The following NIBAN1 variants were observed in gnomAD, a reference collection of about 807,000 sequenced individuals.
NIBAN1 encodes the protein protein Niban 1.
In NIBAN1, 81 loss-of-function variants were observed where a neutral mutation model predicts 75.1. The ratio of observed to expected loss-of-function variants is 1.08; its 90% confidence interval spans 0.90 to 1.30. The LOEUF (loss-of-function observed/expected upper bound fraction) is 1.30, where lower values mean the gene tolerates loss of function less well. NIBAN1 is among the 50% of genes most tolerant of loss of function. NIBAN1 has a pLI of 0.00. For synonymous variants in NIBAN1, 436 were observed against 424.8 expected, an observed-to-expected ratio of 1.03 and a Z score of -0.32; for missense variants, 1,133 against 1,128.1, an observed-to-expected ratio of 1.00 and a Z score of -0.06.
chr1:184,868,174 T>A, intron 5 of NIBAN1: 2 of 441,570 alleles, frequency 4.5e-6, no homozygotes, highest in Non-Finnish European at 6.0e-6. Context: ...CTAAGCCTCT[T>A]AAAATAGAAA....
intron 1 of NIBAN1, among the ~76,000 whole-genome samples, chr1:184,926,546 A>G (rs1391696304): frequency 6.6e-6 from 1 of 152,024 alleles, no homozygotes; most frequent in Non-Finnish European, 1.5e-5. Context: ...CCTCTGTTGT[A>G]TGTTATTTGT....
chr1:184,897,279 TG>T (rs1656825191), intron 2 of NIBAN1, among the ~76,000 whole-genome samples: 1 of 47,328 alleles, frequency 2.1e-5, no homozygotes, highest in South Asian at 7.4e-4. Context: ...TACTCCTAAG[TG>T]TGTGTGTGTG....
rs1437662928 is a variant in NIBAN1 at position 184,794,841 on chromosome 1, C to T, written c.*136G>A. ...GCCTCAGTTGCTCATGCCCTGTATG[C>T]ATTTCCTCTGGTTTTATTATTCAAA... On this transcript the variant is annotated 3_prime_UTR_variant, in exon 14 of 14. Transcript: ENST00000367511. The T allele has an allele frequency of 8.9e-7, 1 of 1,129,562 alleles. No homozygotes were observed. The highest frequency in any genetic ancestry group is 1.3e-6 in the Non-Finnish European group (1 of 771,230). 70.0% of individuals were successfully genotyped at this position (1,129,562 alleles called of 1,614,324 possible).
intron 5 of NIBAN1, among the ~76,000 whole-genome samples, chr1:184,864,200 C>A (rs988501497): frequency 1.3e-5 from 2 of 152,158 alleles, no homozygotes; most frequent in African/African-American, 4.8e-5. Context: ...TTCCTACGGA[C>A]AATAATGCTG....
chr1:184,845,771 C>T lies in NIBAN1; in HGVS notation c.602-13809G>A, dbSNP rs576478529. Among the ~76,000 whole-genome samples the T allele has an allele frequency of 9.6e-3, 814 of 84,800 alleles. 217 individuals carry two copies. In the East Asian group the frequency reaches 0.099, roughly 10 times the overall value. The allele number at this position is 84,800 out of a possible 152,430, so 55.6% of individuals were successfully genotyped here. A position where few individuals can be genotyped will look rare whatever the true frequency, so the allele number is the denominator to read the frequency against. On this transcript the variant is annotated intron_variant, in intron 5 of 13. Coordinates refer to ENST00000367511, the MANE Select transcript of NIBAN1 (RefSeq NM_052966.4). Reference sequence around the variant, plus strand: ...GGCGCAGGCCAGTGTGTGTGCGCACCGTGCGCGAGCCGAAGCAGGGCGAGG... The same window carrying T: ...GGCGCAGGCCAGTGTGTGTGCGCACTGTGCGCGAGCCGAAGCAGGGCGAGG...
At position 184,952,821 on chromosome 1, in the gene NIBAN1, A is replaced by G. The variant is rs550957808; in HGVS notation, c.55+21481T>C. ...AAACCGAGGCCTAAAGACAAGCCCA[A>G]AGTCACATGGTATGTGCCAGAACCA... On this transcript the variant is annotated intron_variant, in intron 1 of 13. Transcript: ENST00000367511. Among the ~76,000 whole-genome samples, 7 of 152,332 alleles carry G rather than the reference A, an allele frequency of 4.6e-5. No homozygotes were observed. The South Asian group carries it at 1.4e-3, about 32-fold the overall frequency.
intron 6 of NIBAN1, 23 bp from the exon 7 acceptor site, chr1:184,823,765 GAGTCGGTC>G: frequency 6.2e-7 from 1 of 1,607,844 alleles, no homozygotes; most frequent in Non-Finnish European, 8.5e-7. Flanking sequence ...AGACAGCCCA[GAGTCGGTC>G]AGTCGGTGAT....
At chr1:184,811,566 C>T (rs1284095514) in intron 9 of NIBAN1, among the ~76,000 whole-genome samples, 6 of 136,674 alleles carry the variant, frequency 4.4e-5, no homozygotes, top group African/African-American at 1.1e-4. Flanking sequence ...AGTGCAGGCG[C>T]GATCTTGGCT....
intron 1 of NIBAN1, among the ~76,000 whole-genome samples, chr1:184,971,301 A>C (rs1460339965): frequency 6.6e-6 from 1 of 152,090 alleles, no homozygotes; most frequent in East Asian, 1.9e-4. Flanking sequence ...AGAAAAGAAA[A>C]GAAAACATGG....
At chr1:184,904,331 A>T (rs537422952) in intron 1 of NIBAN1, among the ~76,000 whole-genome samples, 114 of 152,036 alleles carry the variant, frequency 7.5e-4, no homozygotes, top group Admixed American at 3.3e-3. Flanking sequence ...CCCACCCTAA[A>T]TTTTTTTTCT....
In NIBAN1 at chr1:184,806,072, G is replaced by C; in HGVS notation, c.1336-16C>G. The stretch of plus-strand genomic sequence containing the variant: ...TCTCCATTAGCTAGAAACCAGAAGC[G>C]ACACAGAAACAGACAACAGTCAGGG... On this transcript the variant is annotated splice_polypyrimidine_tract_variant and intron_variant, in intron 10 of 13. Coordinates refer to ENST00000367511, the MANE Select transcript of NIBAN1 (RefSeq NM_052966.4). 1 of 1,605,054 alleles carries C rather than the reference G, an allele frequency of 6.2e-7. No homozygotes were observed. Among genetic ancestry groups the C allele is most frequent in the Non-Finnish European group, 8.5e-7 (1 of 1,172,392 alleles).
chr1:184,909,138 T>A (rs1455819125), intron 1 of NIBAN1, among the ~76,000 whole-genome samples: 1 of 152,164 alleles, frequency 6.6e-6, no homozygotes, highest in Non-Finnish European at 1.5e-5. Flanking sequence ...AAAATATTCT[T>A]TGCTTAAAGA....
intron 1 of NIBAN1, among the ~76,000 whole-genome samples, chr1:184,905,029 C>G (rs1001764569): frequency 6.6e-6 from 1 of 152,034 alleles, no homozygotes. Flanking sequence ...ACTCTCAGCT[C>G]TTAAACAGGA....
chr1:184,815,895 T>C (rs1445293415), intron 9 of NIBAN1, among the ~76,000 whole-genome samples: 1 of 152,204 alleles, frequency 6.6e-6, no homozygotes, highest in Non-Finnish European at 1.5e-5. Flanking sequence ...ATTAGAAATG[T>C]CTCCCTCATA....
intron 6 of NIBAN1, among the ~76,000 whole-genome samples, chr1:184,830,541 T>G: frequency 6.6e-6 from 1 of 152,164 alleles, no homozygotes; most frequent in South Asian, 2.1e-4. Flanking sequence ...GGTAAACACA[T>G]GTTTTCATAT....
At chr1:184,796,725 A>T (rs1653882119) in intron 13 of NIBAN1, among the ~76,000 whole-genome samples, 1 of 152,196 alleles carries the variant, frequency 6.6e-6, no homozygotes, top group Non-Finnish European at 1.5e-5. Flanking sequence ...AGTGCCCAAA[A>T]ATATCACATC....
intron 5 of NIBAN1, among the ~76,000 whole-genome samples, chr1:184,862,631 A>G (rs1277171088): frequency 6.6e-6 from 1 of 152,244 alleles, no homozygotes; most frequent in Non-Finnish European, 1.5e-5. Context: ...TTGAGCTTCC[A>G]TGGCAGAAGG....
At chr1:184,825,261 A>C (rs1654812801) in intron 6 of NIBAN1, among the ~76,000 whole-genome samples, 1 of 152,234 alleles carries the variant, frequency 6.6e-6, no homozygotes, top group Non-Finnish European at 1.5e-5. Flanking sequence ...TCGAGAGTCT[A>C]AGCAAATGAA....
rs1653817687 is a variant in NIBAN1, at chr1:184,795,338, C to T, written c.2426G>A (p.Gly809Glu). The change falls in exon 14 of 14, where the codon GGG becomes GAG. Residue 809 changes from glycine (G) to glutamate (E), a missense_variant. By Grantham distance (98) the Gly-to-Glu change is moderately conservative (BLOSUM62 -2). Transcript: ENST00000367511. ...TCCTGGGAGCTCCCCCTCCATGGGC[C>T]CCAGGGGCTCCTCGGTGAGCCCTCC... ...ASGGLTEEPL[G>E]PMEGELPGEA... 4 of 1,610,174 alleles carry T rather than the reference C, an allele frequency of 2.5e-6. No homozygotes were observed. Among genetic ancestry groups the T allele is most frequent in the Admixed American group, 3.3e-5 (2 of 59,792 alleles).
Sources: allele counts gnomAD v4.1 joint callset (sites outside exome capture counted in the v4.1 genomes callset), GRCh38; gene constraint gnomAD v4.1.1; transcripts MANE v1.5; gene names NCBI Gene and HGNC (gene_info 2026-07-23, HGNC 2026-07-21).